NRP2: variants seen among roughly 807,000 people sequenced by gnomAD.
The protein encoded by NRP2 is neuropilin-2.
NRP2 carries 52 observed loss-of-function variants against 110.4 expected under a neutral mutation model. That is an observed-to-expected ratio of 0.47 (90% CI 0.38 to 0.59). The LOEUF is 0.59. Ranked by LOEUF, NRP2 falls within the 20% of genes least tolerant of loss-of-function variation. The probability of loss-of-function intolerance (pLI) is 0.00; values close to 1 mark genes in which losing one functional copy is unlikely to be tolerated. For synonymous variants in NRP2, 508 were observed against 468.9 expected (o/e 1.08, Z -1.08); for missense variants, 1,049 against 1,203.0 (o/e 0.87, Z 1.89).
intron 2 of NRP2, among the ~76,000 whole-genome samples, chr2:205,709,718 C>T (rs888862723): frequency 9.2e-5 from 14 of 152,148 alleles, no homozygotes; most frequent in African/African-American, 3.1e-4. Flanking sequence ...CACAAAATTT[C>T]GGCAAACAAA....
intron 15 of NRP2, among the ~76,000 whole-genome samples, chr2:205,771,491 T>G (rs1163589852): frequency 6.6e-6 from 1 of 152,236 alleles, no homozygotes; most frequent in East Asian, 1.9e-4. Flanking sequence ...AATTCTGACA[T>G]GCAATGAGCC....
chr2:205,776,612 G>C, intron 15 of NRP2: 1 of 1,596,992 alleles, frequency 6.3e-7, no homozygotes, highest in Non-Finnish European at 8.5e-7. Flanking sequence ...TCCTCGCCTA[G>C]TTTCTGTGTG....
chr2:205,749,856 C>A lies in NRP2; in HGVS notation c.1903+15C>A, dbSNP rs975047692. The A allele has an allele frequency of 3.1e-6, 5 of 1,594,938 alleles. No homozygotes were observed. In the East Asian group the frequency reaches 1.1e-4, roughly 36 times the overall value. On this transcript the variant is annotated intron_variant, in intron 11 of 16. Transcript: ENST00000357785. ...CTTTGAGGATGGTAAGCACAAATTG[C>A]CTCCAGATGGCATGGGTGCGGACTA...
chr2:205,686,079 C>G lies in NRP2; in HGVS notation c.73+2716C>G, dbSNP rs985283410. ...CCCAGCGCCTTCTCTAACGCCGCAT[C>G]GATTTGTTTGGGCTACGCAGCAGAA... On this transcript the variant is annotated intron_variant, in intron 1 of 16. Transcript: ENST00000357785. This position sits in a 1 kb window ranked among gnomAD's most constrained non-coding sequence, Gnocchi z 4.7. Among the ~76,000 whole-genome samples, 13 of 151,400 alleles carry G rather than the reference C, an allele frequency of 8.6e-5. No individual in the cohort carries two copies. The highest frequency in any genetic ancestry group is 3.1e-4 in the African/African-American group (13 of 41,282).
At chr2:205,791,895 A>C (rs974035881) in intron 15 of NRP2, among the ~76,000 whole-genome samples, 4 of 152,198 alleles carry the variant, frequency 2.6e-5, no homozygotes, top group Non-Finnish European at 5.9e-5. Context: ...CAGTAAAGGC[A>C]GCTGCTGTTG....
Position 205,716,184 on chromosome 2 carries a change from C to A in NRP2, c.252-9C>A. 1 of 1,614,108 alleles carries A rather than the reference C, an allele frequency of 6.2e-7. No homozygotes were observed. Among genetic ancestry groups the A allele is most frequent in the South Asian group, 1.1e-5 (1 of 91,074 alleles). ...GTGATCTTTTCTTGTCTGTGCCATC[C>A]CCACCCAGGTATGACTTTATCGAGA... On this transcript the variant is annotated splice_polypyrimidine_tract_variant and intron_variant, in intron 2 of 16. Coordinates refer to ENST00000357785, the MANE Select transcript of NRP2 (RefSeq NM_003872.3).
chr2:205,746,985 G>C (rs2057549929), intron 10 of NRP2, among the ~76,000 whole-genome samples: 1 of 152,188 alleles, frequency 6.6e-6, no homozygotes, highest in African/African-American at 2.4e-5. Flanking sequence ...CATTACCTGG[G>C]GATGAGGCCA....
At chr2:205,724,024 T>G in intron 5 of NRP2, 84 bp downstream of exon 5, 1 of 1,490,062 alleles carries the variant, frequency 6.7e-7, no homozygotes. Flanking sequence ...TGAGCTCTTA[T>G]GAGGGAGGAG....
chr2:205,714,624 A>G (rs901291391), intron 2 of NRP2, among the ~76,000 whole-genome samples: 1 of 152,264 alleles, frequency 6.6e-6, no homozygotes, highest in Non-Finnish European at 1.5e-5. Context: ...AGACCTAAAC[A>G]GATTCCCCAA....
Position 205,683,084 on chromosome 2 carries a change from A to G in NRP2, c.-207A>G. On this transcript the variant is annotated 5_prime_UTR_variant, in exon 1 of 17. Coordinates refer to ENST00000357785, the MANE Select transcript of NRP2 (RefSeq NM_003872.3). ...TTCCCGGCTTGTTCCCTCTTTGCTG[A>G]TTTCAGGAGCTACTCTCCTCCTGGT... The G allele has an allele frequency of 1.7e-6, 1 of 583,970 alleles. No individual in the cohort carries two copies. Among genetic ancestry groups the G allele is most frequent in the Non-Finnish European group, 3.0e-6 (1 of 328,550 alleles). The allele number at this position is 583,970 out of a possible 1,614,324, so 36.2% of individuals were successfully genotyped here.
chr2:205,711,228 A>G (rs1243294319), intron 2 of NRP2, among the ~76,000 whole-genome samples: 1 of 152,194 alleles, frequency 6.6e-6, no homozygotes, highest in Non-Finnish European at 1.5e-5. Context: ...GACCTCCTAC[A>G]TGCCAGGCAC....
In NRP2 at chr2:205,697,709, A is replaced by G; in HGVS notation, c.239A>G (p.Lys80Arg). 6.2e-7 allele frequency: 1 copy of G among 1,614,054 alleles called. No homozygotes were observed. The highest frequency in any genetic ancestry group is 8.5e-7 in the Non-Finnish European group (1 of 1,180,008). Residue 80 changes from lysine (K) to arginine (R), a missense_variant, in exon 2 of 17, where the codon AAG becomes AGG. Coordinates refer to ENST00000357785, the MANE Select transcript of NRP2 (RefSeq NM_003872.3). Reference protein sequence around the residue: ...LNFNPHFEIEKHDCKYDFIEI... With the variant: ...LNFNPHFEIERHDCKYDFIEI... The stretch of plus-strand genomic sequence containing the variant: ...TTCAACCCTCACTTTGAAATCGAGA[A>G]GCACGACTGCAAGTAAGCACCGTCC...
chr2:205,713,668 C>G (rs1225269105), intron 2 of NRP2, among the ~76,000 whole-genome samples: 2 of 152,066 alleles, frequency 1.3e-5, no homozygotes, highest in Non-Finnish European at 2.9e-5. Context: ...TCCATAAAAA[C>G]AAAAAATTCT....
chr2:205,755,610 G>GAAAA (rs58417592), intron 12 of NRP2, among the ~76,000 whole-genome samples: 3 of 147,350 alleles, frequency 2.0e-5, no homozygotes, highest in African/African-American at 2.5e-5. Flanking sequence ...TCTCCATAGG[G>GAAAA]AAAAAAAAAA....
At chr2:205,715,940 C>G (rs2105791175) in intron 2 of NRP2, among the ~76,000 whole-genome samples, 1 of 152,334 alleles carries the variant, frequency 6.6e-6, no homozygotes, top group Non-Finnish European at 1.5e-5. Flanking sequence ...TAGAACGATG[C>G]TCCTGCTCTT....
intron 15 of NRP2, among the ~76,000 whole-genome samples, chr2:205,769,995 G>A (rs1012894292): frequency 2.0e-5 from 3 of 152,194 alleles, no homozygotes; most frequent in African/African-American, 7.2e-5. Flanking sequence ...GTTATTTTTA[G>A]CAGCTCACCT....
chr2:205,739,134 C>G (rs1419151047), intron 7 of NRP2, among the ~76,000 whole-genome samples: 1 of 152,210 alleles, frequency 6.6e-6, no homozygotes, highest in Non-Finnish European at 1.5e-5. Flanking sequence ...AAACACATCA[C>G]TGGACAGTGA....
intron 7 of NRP2, 23 bp downstream of exon 7, chr2:205,728,069 A>G (rs371216667): frequency 6.2e-7 from 1 of 1,613,846 alleles, no homozygotes; most frequent in Non-Finnish European, 8.5e-7. Flanking sequence ...TCCTACCTTA[A>G]AGGCACATTG....
intron 2 of NRP2, among the ~76,000 whole-genome samples, chr2:205,704,305 A>T (rs1473456353): frequency 6.6e-6 from 1 of 152,216 alleles, no homozygotes; most frequent in Non-Finnish European, 1.5e-5. Flanking sequence ...AACAAAGCAT[A>T]GTGAGAATTC....
Sources: gnomAD v4.1 joint callset for allele counts (sites outside exome capture counted in the v4.1 genomes callset) on GRCh38, gnomAD v4.1.1 for gene constraint, Gnocchi (gnomAD v3.1) non-coding constraint, MANE v1.5 for transcripts, NCBI Gene and HGNC (gene_info 2026-07-23, HGNC 2026-07-21) for gene names.